Variants in TXNRD2 observed in about 807,000 individuals in gnomAD.
TXNRD2 encodes thioredoxin reductase 2.
A neutral mutation model predicts 70.8 loss-of-function variants in TXNRD2; 67 were observed. The observed-to-expected ratio is 0.95, with a 90% CI of 0.78 to 1.16. The LOEUF is 1.16. TXNRD2 is among the 50% of genes most tolerant of loss of function. The pLI is 0.00. For synonymous variants in TXNRD2, 301 were observed against 295.8 expected (o/e 1.02, Z -0.18); for missense variants, 644 against 719.9 (o/e 0.89, Z 1.21).
At chr22:19,931,476 G>T (rs997207256) in intron 1 of TXNRD2, among the ~76,000 whole-genome samples, 1 of 152,098 alleles carries the variant, frequency 6.6e-6, no homozygotes, top group Non-Finnish European at 1.5e-5. Flanking sequence ...TGCCCTGCTT[G>T]GGGGAGGGAT....
chr22:19,937,015 T>G (rs5748487), intron 1 of TXNRD2, among the ~76,000 whole-genome samples: 79,494 of 152,032 alleles, frequency 0.52, 20,984 homozygotes, highest in East Asian at 0.69. Context: ...ACTCAGTATG[T>G]TCCTACTTCT....
intron 1 of TXNRD2, among the ~76,000 whole-genome samples, chr22:19,935,784 C>T (rs1941516414): frequency 6.6e-6 from 1 of 152,046 alleles, no homozygotes. Context: ...TATCTGGCGC[C>T]CAACGTGGTT....
intron 2 of TXNRD2, 59 bp downstream of exon 2, chr22:19,930,971 C>T: frequency 5.9e-6 from 9 of 1,518,794 alleles, no homozygotes; most frequent in Non-Finnish European, 8.2e-6. Context: ...GACAGCACCA[C>T]CCTCTCTAGG....
intron 5 of TXNRD2, among the ~76,000 whole-genome samples, chr22:19,917,538 G>A (rs1036499890): frequency 5.3e-5 from 8 of 152,170 alleles, no homozygotes; most frequent in Non-Finnish European, 8.8e-5. Context: ...CCACAGCCCC[G>A]GGAGAAAGGC....
At chr22:19,920,311 C>T (rs998474408) in intron 2 of TXNRD2, among the ~76,000 whole-genome samples, 4 of 152,232 alleles carry the variant, frequency 2.6e-5, no homozygotes, top group Non-Finnish European at 4.4e-5. Flanking sequence ...GGCATGGTGG[C>T]TCACACCTGT....
intron 1 of TXNRD2, among the ~76,000 whole-genome samples, chr22:19,939,805 T>C (rs1478184958): frequency 6.6e-6 from 1 of 152,152 alleles, no homozygotes; most frequent in Non-Finnish European, 1.5e-5. Context: ...CCCTTTCTCC[T>C]TTAAGACAAA....
At chr22:19,888,976 C>T (rs1459840797) in intron 11 of TXNRD2, among the ~76,000 whole-genome samples, 3 of 151,750 alleles carry the variant, frequency 2.0e-5, no homozygotes, top group Admixed American at 6.6e-5. Context: ...GACGCACCTG[C>T]CCTGCTGGCC....
intron 12 of TXNRD2, among the ~76,000 whole-genome samples, chr22:19,882,263 C>T (rs1193967004): frequency 6.6e-6 from 1 of 152,196 alleles, no homozygotes; most frequent in Non-Finnish European, 1.5e-5. Context: ...ACAATCTTGG[C>T]TCACGGTAAC....
At chr22:19,911,083 A>T in intron 8 of TXNRD2, 1 of 434,914 alleles carries the variant, frequency 2.3e-6, no homozygotes. Flanking sequence ...TAAAAAAAAA[A>T]GCCAAAAAAA....
At chr22:19,936,144 T>C in intron 1 of TXNRD2, among the ~76,000 whole-genome samples, 1 of 152,144 alleles carries the variant, frequency 6.6e-6, no homozygotes, top group East Asian at 1.9e-4. Context: ...CAGGAAATTA[T>C]GTTCCTGTCA....
rs1178099404 is a variant in TXNRD2 at position 19,877,035 on chromosome 22, C to T, written c.*65+5G>A. The T allele has an allele frequency of 2.6e-6, 4 of 1,535,060 alleles. No individual in the cohort carries two copies. The highest frequency in any genetic ancestry group is 3.5e-6 in the Non-Finnish European group (4 of 1,131,180). On this transcript the variant is annotated splice_donor_5th_base_variant and intron_variant, in intron 17 of 17. Transcript: ENST00000400521. The stretch of plus-strand genomic sequence containing the variant: ...CCTCAAACAGAGCCAGCCCCACCTG[C>T]ATACCTGGGTCTGGCCTCCGAGGAG...
At chr22:19,932,253 C>T in intron 1 of TXNRD2, 1 of 1,605,368 alleles carries the variant, frequency 6.2e-7, no homozygotes, top group South Asian at 1.1e-5. Flanking sequence ...GTGTGCCCAG[C>T]TGCAGTCAGC....
chr22:19,931,118 G>A lies in TXNRD2; in HGVS notation c.104-20C>T, dbSNP rs774710099. 6.2e-7 allele frequency: 1 copy of A among 1,611,502 alleles called. No individual in the cohort carries two copies. On this transcript the variant is annotated intron_variant, in intron 1 of 17. Coordinates refer to ENST00000400521, the MANE Select transcript of TXNRD2 (RefSeq NM_006440.5). ...GACCTGCTGAGAGAAGGGATGAGAG[G>A]TGGGACGGACTGTCTGTCTGGTTAA...
intron 2 of TXNRD2, among the ~76,000 whole-genome samples, chr22:19,920,353 G>A (rs1414177455): frequency 6.6e-6 from 1 of 152,110 alleles, no homozygotes; most frequent in Non-Finnish European, 1.5e-5. Context: ...TGAGGAAGGT[G>A]TATCACTTGT....
intron 11 of TXNRD2, among the ~76,000 whole-genome samples, chr22:19,888,919 G>T (rs1192597590): frequency 1.4e-5 from 2 of 143,284 alleles, no homozygotes; most frequent in Non-Finnish European, 3.0e-5. Context: ...CCTTCTCAAT[G>T]AGCCCCGGGC....
At chr22:19,909,871 C>CACTCACACACACCACACACACCCT (rs1940302627) in intron 8 of TXNRD2, among the ~76,000 whole-genome samples, 3 of 55,652 alleles carry the variant, frequency 5.4e-5, no homozygotes, top group African/African-American at 2.0e-4. Flanking sequence ...ACACACACAC[C>CACTCACACACACCACACACACCCT]ACTCACACAC....
At chr22:19,933,617 G>C (rs1941444110) in intron 1 of TXNRD2, 1 of 731,310 alleles carries the variant, frequency 1.4e-6, no homozygotes, top group Admixed American at 3.1e-5. Flanking sequence ...GCCCTCTCGG[G>C]CTGATAAACA....
chr22:19,911,804 G>A (rs777348085), intron 7 of TXNRD2, among the ~76,000 whole-genome samples: 85 of 152,294 alleles, frequency 5.6e-4, no homozygotes, highest in African/African-American at 7.5e-4. Context: ...AAGTCTGCCC[G>A]GGTTCTGGAC....
intron 2 of TXNRD2, among the ~76,000 whole-genome samples, chr22:19,927,884 C>G (rs1057332725): frequency 2.5e-4 from 38 of 151,898 alleles, no homozygotes; most frequent in African/African-American, 8.5e-4. Flanking sequence ...CAAATGCATA[C>G]GTAATGTGAG....
Sources: gnomAD v4.1 joint callset for allele counts (sites outside exome capture counted in the v4.1 genomes callset) on GRCh38, gnomAD v4.1.1 for gene constraint, MANE v1.5 for transcripts, NCBI Gene and HGNC (gene_info 2026-07-23, HGNC 2026-07-21) for gene names.